The following CCDC110 variants were observed in gnomAD, a reference collection of about 807,000 sequenced individuals.
CCDC110 encodes coiled-coil domain containing 110, also known as coiled-coil domain-containing protein 110.
In CCDC110, 70 loss-of-function variants were observed where a neutral mutation model predicts 77.1. That is an observed-to-expected ratio of 0.91 (90% CI 0.75 to 1.11). The LOEUF (loss-of-function observed/expected upper bound fraction) is 1.11. Ranked by LOEUF, CCDC110 falls within the 50% of genes least tolerant of loss-of-function variation. The pLI, the probability that CCDC110 is intolerant of heterozygous loss-of-function variation, is 0.00. For missense variants in CCDC110, 868 were observed against 942.9 expected (o/e 0.92, Z 1.04); for synonymous variants, 295 against 312.5 (o/e 0.94, Z 0.59).
intron 2 of CCDC110, among the ~76,000 whole-genome samples, chr4:185,467,306 G>A (rs2095658041): frequency 6.6e-6 from 1 of 152,152 alleles, no homozygotes; most frequent in Non-Finnish European, 1.5e-5. Context: ...ATAACTTTCT[G>A]TTTTTCTTAT....
chr4:185,457,418 C>A, intron 6 of CCDC110: 1 of 378,662 alleles, frequency 2.6e-6, no homozygotes, highest in Non-Finnish European at 5.2e-6. Context: ...ACTGTGTGAT[C>A]CTCTTTACAC....
chr4:185,452,134 T>G, intron 6 of CCDC110: 3 of 927,004 alleles, frequency 3.2e-6, no homozygotes, highest in Non-Finnish European at 3.9e-6. Flanking sequence ...TGTTGTCTCT[T>G]CTTTTAACTT....
Position 185,458,991 on chromosome 4 carries a change from A to G in CCDC110, c.1596T>C (p.Leu532=), listed in dbSNP as rs767367790. The change falls in exon 6 of 7, where the codon CTT becomes CTC. Residue 532 remains leucine (L), a synonymous_variant. Coordinates refer to ENST00000307588, the MANE Select transcript of CCDC110 (RefSeq NM_152775.4). ...CCATCATTTGTTGCTTCTCTAAAGA[A>G]AGTTGTATATTTTTTTCCTCTAGAG... ...NKTLEEKNIQ[L]SLEKQQMMEA... 1 of 1,602,940 alleles carries G rather than the reference A, an allele frequency of 6.2e-7. No homozygotes were observed. Among genetic ancestry groups the G allele is most frequent in the South Asian group, 1.1e-5 (1 of 88,866 alleles).
chr4:185,457,490 A>G (rs2095637636), intron 6 of CCDC110, among the ~76,000 whole-genome samples: 1 of 152,188 alleles, frequency 6.6e-6, no homozygotes, highest in African/African-American at 2.4e-5. Context: ...GGCTCCTGCT[A>G]TTGTAACAAA....
At position 185,458,585 on chromosome 4, in the gene CCDC110, AG is replaced by A; in HGVS notation, c.2001del (p.Tyr668ThrfsTer13). 6.2e-7 allele frequency: 1 copy of A among 1,607,990 alleles called. No homozygotes were observed. Among genetic ancestry groups the A allele is most frequent in the Non-Finnish European group, 8.5e-7 (1 of 1,179,542 alleles). Reference sequence around the variant, plus strand: ...AAATTCTCTTCGGCAGTAGATTGGTAGGTTTGAATATTCTCAATTTCTCTTT... The same window carrying A: ...AAATTCTCTTCGGCAGTAGATTGGTAGTTTGAATATTCTCAATTTCTCTTT... ...IMEREIENIQ[T>X]YQSTAEENFL... is the part of the protein sequence containing the mutation. On this transcript the variant is annotated frameshift_variant, in exon 6 of 7. Coordinates refer to ENST00000307588, the MANE Select transcript of CCDC110 (RefSeq NM_152775.4). LOFTEE classifies it high-confidence loss of function.
At chr4:185,447,574 A>G (rs1001625633) in intron 6 of CCDC110, among the ~76,000 whole-genome samples, 3 of 152,198 alleles carry the variant, frequency 2.0e-5, no homozygotes, top group African/African-American at 4.8e-5. Flanking sequence ...GAGCACTTGT[A>G]TGTGTCACTA....
chr4:185,470,488 G>T lies in CCDC110; in HGVS notation c.115+457C>A, dbSNP rs1013233750. Reference sequence around the variant, plus strand: ...CCCCCCTGAATATTTTCCATCTGTGGTTGGTTGAATCCAAGGATGCGGAAC... The same window carrying T: ...CCCCCCTGAATATTTTCCATCTGTGTTTGGTTGAATCCAAGGATGCGGAAC... On this transcript the variant is annotated intron_variant, in intron 2 of 6. Coordinates refer to ENST00000307588, the MANE Select transcript of CCDC110 (RefSeq NM_152775.4). 1.2e-5 allele frequency: 4 copies of T among 341,826 alleles called. No individual in the cohort carries two copies. The Admixed American group carries it at 1.5e-4, about 13-fold the overall frequency. The allele number at this position is 341,826 out of a possible 1,614,324, so 21.2% of individuals were successfully genotyped here. A position where few individuals can be genotyped will look rare whatever the true frequency, so the allele number is the denominator to read the frequency against.
chr4:185,467,956 A>G (rs962512912), intron 2 of CCDC110, among the ~76,000 whole-genome samples: 29 of 152,272 alleles, frequency 1.9e-4, no homozygotes, highest in African/African-American at 7.0e-4. Context: ...TTTAGTAGAG[A>G]CGGGGTTTCA....
chr4:185,460,036 A>AG lies in CCDC110; in HGVS notation c.550_551insC (p.Ile184ThrfsTer9). On this transcript the variant is annotated frameshift_variant, in exon 6 of 7. Coordinates refer to ENST00000307588, the MANE Select transcript of CCDC110 (RefSeq NM_152775.4). LOFTEE classifies it high-confidence loss of function. Reference sequence around the variant, plus strand: ...GTCAGAATTTTCTGAAGGGTGTATAATTATGTTTGAAGATAAATTGTCTGT... The same window carrying AG: ...GTCAGAATTTTCTGAAGGGTGTATAAGTTATGTTTGAAGATAAATTGTCTGT... 6.2e-7 allele frequency: 1 copy of AG among 1,613,596 alleles called. No individual in the cohort carries two copies.
intron 4 of CCDC110, among the ~76,000 whole-genome samples, chr4:185,461,507 A>C (rs1366308624): frequency 6.6e-6 from 1 of 152,158 alleles, no homozygotes; most frequent in Non-Finnish European, 1.5e-5. Context: ...ATTTCCCTGC[A>C]GGTGCTTTTA....
chr4:185,449,625 C>T, intron 6 of CCDC110: 1 of 1,543,120 alleles, frequency 6.5e-7, no homozygotes, highest in South Asian at 1.2e-5. Context: ...TACAAGACTT[C>T]TTCAGTACCA....
chr4:185,458,121 C>CCCA lies in CCDC110; in HGVS notation c.2461+4_2461+5insTGG. On this transcript the variant is annotated splice_donor_region_variant and intron_variant, in intron 6 of 6. Transcript: ENST00000307588. ...ATCTCTACTAATCTACCAGGACTTGCGTACCTTTCAAATCCGAAGCCAAAG... is the reference window on the plus strand; with the variant it reads ...ATCTCTACTAATCTACCAGGACTTGCCCAGTACCTTTCAAATCCGAAGCCAAAG... 1 of 1,532,418 alleles carries CCCA rather than the reference C, an allele frequency of 6.5e-7. No homozygotes were observed. Among genetic ancestry groups the CCCA allele is most frequent in the African/African-American group, 1.4e-5 (1 of 71,478 alleles). The allele number at this position is 1,532,418 out of a possible 1,614,324, so 94.9% of individuals were successfully genotyped here.
chr4:185,445,926 C>T (rs1417870377), intron 6 of CCDC110, among the ~76,000 whole-genome samples: 1 of 152,152 alleles, frequency 6.6e-6, no homozygotes, highest in Non-Finnish European at 1.5e-5. Flanking sequence ...ACCATAACCT[C>T]CACCTCCCAG....
chr4:185,466,870 G>C (rs1346558179), intron 2 of CCDC110, among the ~76,000 whole-genome samples: 1 of 152,182 alleles, frequency 6.6e-6, no homozygotes, highest in Non-Finnish European at 1.5e-5. Flanking sequence ...GCTGGGACTT[G>C]AGAATTCCAC....
At chr4:185,457,710 T>C (rs2095638011) in intron 6 of CCDC110, 4 of 1,149,784 alleles carry the variant, frequency 3.5e-6, no homozygotes, top group Non-Finnish European at 4.6e-6. Context: ...TTTAAAATTA[T>C]TTTGTGGGGG....
rs538023598 is a variant in CCDC110 at position 185,458,962 on chromosome 4, G to C, written c.1625C>G (p.Ala542Gly). 1 of 1,606,348 alleles carries C rather than the reference G, an allele frequency of 6.2e-7. No homozygotes were observed. Among genetic ancestry groups the C allele is most frequent in the East Asian group, 2.2e-5 (1 of 44,596 alleles). Residue 542 changes from alanine (A) to glycine (G), a missense_variant, in exon 6 of 7, where the codon GCA (alanine) becomes GGA (glycine). Physicochemically the swap from Ala to Gly is moderately conservative, Grantham distance 60. Coordinates refer to ENST00000307588, the MANE Select transcript of CCDC110 (RefSeq NM_152775.4). ...TTCCTTACTTTTTAGTTGATCTAAT[G>C]CTTCCATCATTTGTTGCTTCTCTAA... is the stretch of plus-strand genomic sequence containing the variant. ...LSLEKQQMME[A>G]LDQLKSKEHK...
At chr4:185,451,853 C>G (rs2095629735) in intron 6 of CCDC110, among the ~76,000 whole-genome samples, 1 of 152,142 alleles carries the variant, frequency 6.6e-6, no homozygotes, top group Non-Finnish European at 1.5e-5. Context: ...AGACAACACA[C>G]TTCATATCAT....
intron 2 of CCDC110, among the ~76,000 whole-genome samples, chr4:185,467,489 T>TA (rs1303411572): frequency 1.3e-5 from 2 of 152,136 alleles, no homozygotes; most frequent in Non-Finnish European, 2.9e-5. Context: ...CTGCTAAACA[T>TA]ACAATATCGG....
At chr4:185,457,992 TA>T in intron 6 of CCDC110, 133 bp downstream of exon 6, 1 of 667,382 alleles carries the variant, frequency 1.5e-6, no homozygotes, top group Non-Finnish European at 2.3e-6. Context: ...CACTGTATAA[TA>T]AATTGGATAC....
Sources: allele counts gnomAD v4.1 joint callset (sites outside exome capture counted in the v4.1 genomes callset), GRCh38; gene constraint gnomAD v4.1.1; transcripts MANE v1.5; gene names NCBI Gene and HGNC (gene_info 2026-07-23, HGNC 2026-07-21).